CACNA1I: variants seen among roughly 807,000 people sequenced by gnomAD.
CACNA1I encodes voltage-dependent T-type calcium channel subunit alpha-1I.
In CACNA1I, 74 loss-of-function variants were observed where a neutral mutation model predicts 201.6. That is an observed-to-expected ratio of 0.37 (90% CI 0.30 to 0.45). The LOEUF (loss-of-function observed/expected upper bound fraction) is 0.45. Ranked by LOEUF, CACNA1I falls within the 20% of genes least tolerant of loss-of-function variation. The pLI, the probability that CACNA1I is intolerant of heterozygous loss-of-function variation, is 1.00. For synonymous variants in CACNA1I, 1,431 were observed against 1,345.2 expected, an observed-to-expected ratio of 1.06 and a Z score of -1.40; for missense variants, 2,346 against 3,138.1, an observed-to-expected ratio of 0.75 and a Z score of 6.03.
At chr22:39,591,393 C>A (rs996959130) in intron 1 of CACNA1I, among the ~76,000 whole-genome samples, 5 of 149,436 alleles carry the variant, frequency 3.3e-5, no homozygotes, top group African/African-American at 1.2e-4. Flanking sequence ...AACTCCTGAC[C>A]TCAAGTGATC....
chr22:39,677,565 T>A lies in CACNA1I; in HGVS notation c.4933+146T>A, dbSNP rs1002498653. On this transcript the variant is annotated intron_variant, in intron 30 of 36. Transcript: ENST00000402142. This position sits in a 1 kb window ranked among gnomAD's most constrained non-coding sequence, Gnocchi z 4.8. ...ATGCCTACAGCAGGGCCCTCAGCTG[T>A]CTGGTCTCCCAGGAAAACTGCCCTC... The A allele has an allele frequency of 7.2e-5, 46 of 637,448 alleles. No individual in the cohort carries two copies. The African/African-American group carries it at 8.3e-4, about 12-fold the overall frequency. The allele number at this position is 637,448 out of a possible 1,614,324, so 39.5% of individuals were successfully genotyped here.
chr22:39,658,432 A>G (rs1197329833), intron 11 of CACNA1I, 129 bp downstream of exon 11: 1 of 831,974 alleles, frequency 1.2e-6, no homozygotes, highest in Non-Finnish European at 1.9e-6. Context: ...TTATCGAAAT[A>G]GTCAAACATT....
rs758737425 is a variant in CACNA1I at position 39,649,768 on chromosome 22, A to C, written c.1835A>C (p.Glu612Ala). The change falls in exon 10 of 37, where the codon GAG (glutamate) becomes GCG (alanine). Residue 612 changes from glutamate to alanine, a missense_variant. By Grantham distance (107) the Glu-to-Ala change is moderately radical (BLOSUM62 -1). This residue lies in a region of CACNA1I where 312 missense variants were observed against 331.5 expected (regional missense o/e 0.94). Transcript: ENST00000402142. This position sits in a 1 kb window ranked among gnomAD's most constrained non-coding sequence, Gnocchi z 7.3. Reference protein sequence around the residue: ...SSELGKEEEEEEQADGAVWLC... With the variant: ...SSELGKEEEEAEQADGAVWLC... ...GAACTGGGGAAGGAGGAGGAGGAGG[A>C]GGAGCAGGCGGATGGGGCGGTCTGG... The C allele has an allele frequency of 6.2e-7, 1 of 1,602,496 alleles. No homozygotes were observed. The highest frequency in any genetic ancestry group is 8.5e-7 in the Non-Finnish European group (1 of 1,174,490).
intron 1 of CACNA1I, among the ~76,000 whole-genome samples, chr22:39,591,462 T>C (rs2145817350): frequency 6.6e-6 from 1 of 152,038 alleles, no homozygotes; most frequent in East Asian, 1.9e-4. Flanking sequence ...GCACCCGGCC[T>C]GGCCTGGATT....
intron 1 of CACNA1I, among the ~76,000 whole-genome samples, 186 bp from the exon 2 acceptor site, chr22:39,597,965 G>A (rs904923296): frequency 6.6e-6 from 1 of 152,190 alleles, no homozygotes; most frequent in African/African-American, 2.4e-5. Flanking sequence ...GGCCATGTCT[G>A]TTGTGATGGG....
chr22:39,675,055 G>A (rs1343953644), intron 29 of CACNA1I, among the ~76,000 whole-genome samples: 2 of 152,228 alleles, frequency 1.3e-5, no homozygotes, highest in African/African-American at 2.4e-5. Context: ...CATGGGAGAT[G>A]GGGGTGATGC....
chr22:39,597,668 G>A (rs1395778315), intron 1 of CACNA1I, among the ~76,000 whole-genome samples: 1 of 152,244 alleles, frequency 6.6e-6, no homozygotes, highest in East Asian at 1.9e-4. Context: ...GAGAAGGACG[G>A]GGCCATCCAG....
intron 7 of CACNA1I, among the ~76,000 whole-genome samples, chr22:39,645,434 C>T (rs1415720557): frequency 2.6e-5 from 4 of 152,328 alleles, no homozygotes; most frequent in South Asian, 2.1e-4. Context: ...GCCTGACAAG[C>T]GTGTGGTCCC....
In CACNA1I at chr22:39,664,850, G is replaced by A; in HGVS notation, c.3778G>A (p.Ala1260Thr). 6.2e-7 allele frequency: 1 copy of A among 1,613,110 alleles called. No individual in the cohort carries two copies. The highest frequency in any genetic ancestry group is 8.5e-7 in the Non-Finnish European group (1 of 1,179,806). Residue 1260 changes from alanine to threonine, a missense_variant, in exon 21 of 37, where the codon GCC becomes ACC. Coordinates refer to ENST00000402142, the MANE Select transcript of CACNA1I (RefSeq NM_021096.4). Reference sequence around the variant, plus strand: ...CATCATCGACATCGTGGTGTCCCTGGCCTCAGCCGGGGGAGCCAAGATCTT... The same window carrying A: ...CATCATCGACATCGTGGTGTCCCTGACCTCAGCCGGGGGAGCCAAGATCTT... ...VSIIDIVVSL[A>T]SAGGAKILGV...
chr22:39,600,714 AT>A, intron 3 of CACNA1I, 61 bp downstream of exon 3: 2 of 1,501,224 alleles, frequency 1.3e-6, no homozygotes, highest in Admixed American at 2.5e-5. Context: ...AATTGAGAGA[AT>A]CCAGGGCTTC....
chr22:39,582,869 CATCT>C (rs1932601858), intron 1 of CACNA1I, among the ~76,000 whole-genome samples: 1 of 150,116 alleles, frequency 6.7e-6, no homozygotes, highest in African/African-American at 2.5e-5. Flanking sequence ...TCCAACCATC[CATCT>C]ATCCATCCAT....
At chr22:39,590,534 G>A (rs79290734) in intron 1 of CACNA1I, among the ~76,000 whole-genome samples, 169 of 152,348 alleles carry the variant, frequency 1.1e-3, no homozygotes, top group African/African-American at 3.9e-3. Flanking sequence ...AGAGAGAGAC[G>A]ATGTGGGTGG....
chr22:39,669,805 AG>A (rs1486707642), intron 24 of CACNA1I, among the ~76,000 whole-genome samples: 1 of 152,174 alleles, frequency 6.6e-6, no homozygotes, highest in Non-Finnish European at 1.5e-5. Context: ...AGATGTTTCC[AG>A]GAGGCAGCCA....
rs1935897668 is a variant in CACNA1I, at chr22:39,686,654, GTGTATACACACA to G, written c.*250_*261del. On this transcript the variant is annotated 3_prime_UTR_variant, in exon 37 of 37. Coordinates refer to ENST00000402142, the MANE Select transcript of CACNA1I (RefSeq NM_021096.4). ...TATATATATATATATATATATATAT[GTGTATACACACA>G]CACATAGACAGACATATATATATAT... 1 of 102,238 alleles carries G rather than the reference GTGTATACACACA, an allele frequency of 9.8e-6. No homozygotes were observed. The highest frequency in any genetic ancestry group is 3.3e-4 in the South Asian group (1 of 2,996). The allele number at this position is 102,238 out of a possible 1,614,324, so 6.3% of individuals were successfully genotyped here. A position where few individuals can be genotyped will look rare whatever the true frequency, so the allele number is the denominator to read the frequency against.
intron 29 of CACNA1I, among the ~76,000 whole-genome samples, chr22:39,675,244 C>T (rs137887585): frequency 3.9e-5 from 6 of 152,312 alleles, no homozygotes; most frequent in African/African-American, 1.4e-4. Flanking sequence ...CAAAGGGCGG[C>T]GGTGAGGTGT....
intron 4 of CACNA1I, among the ~76,000 whole-genome samples, chr22:39,620,237 GTCCATCCATCCATCCA>G (rs67971450): frequency 7.6e-5 from 9 of 117,676 alleles, no homozygotes; most frequent in African/African-American, 1.6e-4. Context: ...CCATCCACCT[GTCCATCCATCCATCCA>G]TCCATCCATC....
intron 4 of CACNA1I, among the ~76,000 whole-genome samples, chr22:39,626,422 C>T (rs1933902008): frequency 1.3e-5 from 2 of 152,070 alleles, no homozygotes; most frequent in African/African-American, 4.8e-5. Flanking sequence ...TTGGAAGACA[C>T]TCATCAGCTG....
intron 5 of CACNA1I, among the ~76,000 whole-genome samples, chr22:39,638,661 C>CT (rs935386436): frequency 5.3e-5 from 8 of 151,798 alleles, no homozygotes; most frequent in African/African-American, 1.5e-4. Context: ...TATCTTTTGT[C>CT]TTTTTTTTCC....
Position 39,684,185 on chromosome 22 carries a change from T to G in CACNA1I, c.5831-117T>G. On this transcript the variant is annotated intron_variant, in intron 35 of 36. Transcript: ENST00000402142. This position sits in a 1 kb window ranked among gnomAD's most constrained non-coding sequence, Gnocchi z 4.6. Reference sequence around the variant, plus strand: ...GACTTGTCCACAGTCTCACAGTCAGTTTATTAGGTGGCCCCTCACTGCTGG... The same window carrying G: ...GACTTGTCCACAGTCTCACAGTCAGGTTATTAGGTGGCCCCTCACTGCTGG... 1.3e-6 allele frequency: 1 copy of G among 774,554 alleles called. No individual in the cohort carries two copies. The highest frequency in any genetic ancestry group is 2.1e-6 in the Non-Finnish European group (1 of 465,164). 48.0% of individuals were successfully genotyped at this position (774,554 alleles called of 1,614,324 possible).
Sources: allele counts gnomAD v4.1 joint callset (sites outside exome capture counted in the v4.1 genomes callset), GRCh38; gene constraint gnomAD v4.1.1; regional missense constraint gnomAD v4.1.1; non-coding constraint Gnocchi (gnomAD v3.1); transcripts MANE v1.5; gene names NCBI Gene and HGNC (gene_info 2026-07-23, HGNC 2026-07-21).